Variants in KCNIP1 observed in about 807,000 individuals in gnomAD.
KCNIP1 encodes potassium voltage-gated channel interacting protein 1.
In KCNIP1, 18 loss-of-function variants were observed where a neutral mutation model predicts 33.0. That is an observed-to-expected ratio of 0.55 (90% confidence interval 0.38 to 0.81). KCNIP1 has a LOEUF of 0.81. Ranked by LOEUF, KCNIP1 falls within the 30% of genes least tolerant of loss-of-function variation. The pLI, the probability that KCNIP1 is intolerant of heterozygous loss-of-function variation, is 0.00. For missense variants in KCNIP1, 238 were observed against 271.6 expected (o/e 0.88, Z 0.87); for synonymous variants, 93 against 98.3 (o/e 0.95, Z 0.32).
chr5:170,354,503 T>G (rs923104441), intron 1 of KCNIP1, among the ~76,000 whole-genome samples: 1 of 152,228 alleles, frequency 6.6e-6, no homozygotes, highest in East Asian at 1.9e-4. Context: ...CTCGTGCTTC[T>G]GGGGCTTCAT....
At chr5:170,437,981 T>TC (rs542376386) in intron 1 of KCNIP1, among the ~76,000 whole-genome samples, 22 of 152,158 alleles carry the variant, frequency 1.4e-4, no homozygotes, top group Admixed American at 2.0e-4. Flanking sequence ...CTAGCCTTGG[T>TC]CCCTCCACAG....
chr5:170,434,568 TG>T (rs1201444822), intron 1 of KCNIP1, among the ~76,000 whole-genome samples: 1 of 152,124 alleles, frequency 6.6e-6, no homozygotes, highest in Non-Finnish European at 1.5e-5. Context: ...CTGTCTTTCC[TG>T]GTCTCTGCAG....
At chr5:170,451,723 T>TGTGTGTGTGTGTGTGTGTGTGTGTGTG (rs1756255311) in intron 1 of KCNIP1, among the ~76,000 whole-genome samples, 1 of 122,902 alleles carries the variant, frequency 8.1e-6, no homozygotes, top group African/African-American at 3.2e-5. Context: ...TTCTCCTGCA[T>TGTGTGTGTGTGTGTGTGTGTGTGTGTG]TGTGTGTGTG....
chr5:170,591,761 A>G (rs1758270293), intron 1 of KCNIP1, among the ~76,000 whole-genome samples: 1 of 152,210 alleles, frequency 6.6e-6, no homozygotes, highest in Admixed American at 6.5e-5. Context: ...ATGTTGTTGC[A>G]TGTGTCAGAA....
At chr5:170,523,070 C>T (rs1479370374) in intron 1 of KCNIP1, among the ~76,000 whole-genome samples, 2 of 152,158 alleles carry the variant, frequency 1.3e-5, no homozygotes, top group East Asian at 3.9e-4. Flanking sequence ...CTCTCTAGGT[C>T]ATAAATAGGG....
intron 1 of KCNIP1, chr5:170,561,083 G>C (rs778016451): frequency 2.2e-6 from 1 of 455,862 alleles, no homozygotes; most frequent in African/African-American, 2.0e-5. Context: ...CTGTGGGTTT[G>C]TTTCCACTTA....
chr5:170,629,415 G>A (rs1759964650), intron 1 of KCNIP1, among the ~76,000 whole-genome samples: 1 of 152,194 alleles, frequency 6.6e-6, no homozygotes, highest in Non-Finnish European at 1.5e-5. Context: ...ACCCTTAGAG[G>A]GGTCCCGGAC....
chr5:170,391,918 C>T (rs192678455), intron 1 of KCNIP1, among the ~76,000 whole-genome samples: 100 of 152,312 alleles, frequency 6.6e-4, no homozygotes, highest in African/African-American at 2.0e-3. Context: ...TCCATGTGCC[C>T]TTTTCACAGT....
chr5:170,571,869 A>G (rs928327020), intron 1 of KCNIP1, among the ~76,000 whole-genome samples: 1 of 152,216 alleles, frequency 6.6e-6, no homozygotes, highest in African/African-American at 2.4e-5. Flanking sequence ...ATATTCTTCA[A>G]TATCACAAGA....
At chr5:170,729,578 G>C (rs940430044) in intron 5 of KCNIP1, among the ~76,000 whole-genome samples, 3 of 151,946 alleles carry the variant, frequency 2.0e-5, no homozygotes, top group African/African-American at 7.2e-5. Flanking sequence ...TGAACACAAT[G>C]AGCAAAGCAG....
chr5:170,679,634 T>TGA (rs1762261521), intron 1 of KCNIP1, among the ~76,000 whole-genome samples: 1 of 150,872 alleles, frequency 6.6e-6, no homozygotes, highest in East Asian at 1.9e-4. Flanking sequence ...ACAGTGTGTG[T>TGA]GTGTGTGTGT....
At position 170,486,717 on chromosome 5, in the gene KCNIP1, A is replaced by G. The variant is rs192490374; in HGVS notation, c.88+132753A>G. Among the ~76,000 whole-genome samples, 115 of 152,240 alleles carry G rather than the reference A, an allele frequency of 7.6e-4. No homozygotes were observed. In the Middle Eastern group the frequency reaches 0.014, roughly 18 times the overall value. On this transcript the variant is annotated intron_variant, in intron 1 of 7. Coordinates refer to the KCNIP1 transcript ENST00000377360. ...GGTTTTTGCAATCAAAAATAACCCA[A>G]CTAAGATTTGCTATCCTGCAGGCAA...
chr5:170,601,241 G>T (rs1051931983), intron 1 of KCNIP1, among the ~76,000 whole-genome samples: 3 of 152,246 alleles, frequency 2.0e-5, no homozygotes, highest in Non-Finnish European at 4.4e-5. Flanking sequence ...GCCGGGGACG[G>T]CTGGGAGTCA....
intron 1 of KCNIP1, among the ~76,000 whole-genome samples, chr5:170,589,794 T>TGTGCG (rs149120148): frequency 0.02 from 2,266 of 113,158 alleles, 63 homozygotes; most frequent in Non-Finnish European, 0.029. Flanking sequence ...TGTGATGTGG[T>TGTGCG]GTGCGGTGCG....
chr5:170,497,727 C>T (rs1340743106), intron 1 of KCNIP1, among the ~76,000 whole-genome samples: 1 of 152,208 alleles, frequency 6.6e-6, no homozygotes, highest in African/African-American at 2.4e-5. Flanking sequence ...ATTCCCTGGT[C>T]TCCAGAAATA....
chr5:170,564,949 GAA>G (rs1740108400), intron 1 of KCNIP1, among the ~76,000 whole-genome samples: 1 of 152,028 alleles, frequency 6.6e-6, no homozygotes, highest in Non-Finnish European at 1.5e-5. Flanking sequence ...TAGCTTGTAA[GAA>G]AGAGATTCAG....
intron 1 of KCNIP1, among the ~76,000 whole-genome samples, chr5:170,529,154 C>T (rs1388801650): frequency 6.6e-6 from 1 of 152,124 alleles, no homozygotes; most frequent in African/African-American, 2.4e-5. Flanking sequence ...TACAGGTGCT[C>T]AAAGAAAATG....
At chr5:170,705,239 T>C (rs550573210) in intron 1 of KCNIP1, among the ~76,000 whole-genome samples, 1 of 152,320 alleles carries the variant, frequency 6.6e-6, no homozygotes, top group South Asian at 2.1e-4. Context: ...CAAGGCTTCA[T>C]TTATTAAGTG....
chr5:170,383,405 G>A (rs1225188455), intron 1 of KCNIP1: 2 of 600,344 alleles, frequency 3.3e-6, no homozygotes, highest in African/African-American at 1.9e-5. Flanking sequence ...TCTTCAAGGT[G>A]CAGCATTAGC....
Sources: gnomAD v4.1 joint callset for allele counts (sites outside exome capture counted in the v4.1 genomes callset) on GRCh38, gnomAD v4.1.1 for gene constraint, MANE v1.5 for transcripts, NCBI Gene and HGNC (gene_info 2026-07-23, HGNC 2026-07-21) for gene names.